The following ERCC6 variants were observed in gnomAD, a reference collection of about 807,000 sequenced individuals.
ERCC6 encodes ERCC excision repair 6, chromatin remodeling factor, also known as DNA excision repair protein ERCC-6.
In ERCC6, 116 loss-of-function variants were observed where a neutral mutation model predicts 158.7. The ratio of observed to expected loss-of-function variants is 0.73; its 90% CI spans 0.63 to 0.85. The LOEUF is 0.85. Among genes scored for constraint, ERCC6 ranks in the 40% least tolerant of loss-of-function variants. ERCC6 has a pLI of 0.00. For synonymous variants in ERCC6, 678 were observed against 659.3 expected, an observed-to-expected ratio of 1.03 and a Z score of -0.43; for missense variants, 1,698 against 1,799.4, an observed-to-expected ratio of 0.94 and a Z score of 1.02.
rs927396283 is a variant in ERCC6 at position 49,532,797 on chromosome 10, G to A, written c.168C>T (p.Thr56=). 2.5e-6 allele frequency: 4 copies of A among 1,614,218 alleles called. No individual in the cohort carries two copies. The Admixed American group carries it at 5.0e-5, about 20-fold the overall frequency. ...SFRSVGDGLS[T]SAVGCASAAP... ...CTGCTGATGCGCACCCCACAGCAGAGGTGGACAGCCCGTCACCCACAGAAC... is the reference window on the plus strand; with the variant it reads ...CTGCTGATGCGCACCCCACAGCAGAAGTGGACAGCCCGTCACCCACAGAAC... Residue 56 remains threonine (T), a synonymous_variant, in exon 2 of 21, where the codon ACC becomes ACT. Transcript: ENST00000355832.
chr10:49,509,088 T>C (rs2132586491), intron 5 of ERCC6, among the ~76,000 whole-genome samples: 1 of 152,252 alleles, frequency 6.6e-6, no homozygotes, highest in East Asian at 1.9e-4. Context: ...CCTGGTGCCA[T>C]TTACTAGCTC....
chr10:49,492,226 G>T (rs1851184561), intron 8 of ERCC6, among the ~76,000 whole-genome samples: 2 of 152,098 alleles, frequency 1.3e-5, no homozygotes, highest in Admixed American at 1.3e-4. Flanking sequence ...TGGTCCCCGT[G>T]CATCTGACTC....
chr10:49,466,834 A>T (rs1215340669), intron 18 of ERCC6, among the ~76,000 whole-genome samples: 1 of 152,194 alleles, frequency 6.6e-6, no homozygotes. Context: ...TCGCACAGGC[A>T]GGAGTACAAT....
chr10:49,493,293 C>G (rs776932449), intron 7 of ERCC6, 41 bp from the exon 8 acceptor site: 1 of 1,612,728 alleles, frequency 6.2e-7, no homozygotes, highest in East Asian at 2.2e-5. Context: ...CATGAAAGAG[C>G]ATATACAGTC....
chr10:49,520,834 T>C (rs930253115), intron 5 of ERCC6, among the ~76,000 whole-genome samples: 1 of 152,158 alleles, frequency 6.6e-6, no homozygotes, highest in African/African-American at 2.4e-5. Flanking sequence ...GCAATCCAAA[T>C]GAGAACCCTG....
Position 49,458,749 on chromosome 10 carries a change from TAA to T in ERCC6, c.*64_*65del. On this transcript the variant is annotated 3_prime_UTR_variant, in exon 21 of 21. Transcript: ENST00000355832. ...TTCCATTGACAAACATGATTATTAA[TAA>T]TAAATTAATAATCAGAAATGCCCGT... 1.0e-5 allele frequency: 15 copies of T among 1,496,692 alleles called. No homozygotes were observed. Among genetic ancestry groups the T allele is most frequent in the Non-Finnish European group, 1.3e-5 (14 of 1,076,562 alleles). The allele number at this position is 1,496,692 out of a possible 1,614,324, so 92.7% of individuals were successfully genotyped here. A position where few individuals can be genotyped will look rare whatever the true frequency, so the allele number is the denominator to read the frequency against.
chr10:49,472,921 G>C lies in ERCC6; in HGVS notation c.2817C>G (p.Ser939Arg). 6.2e-7 allele frequency: 1 copy of C among 1,613,798 alleles called. No individual in the cohort carries two copies. Among genetic ancestry groups the C allele is most frequent in the Non-Finnish European group, 8.5e-7 (1 of 1,179,860 alleles). ...VVIYDPDWNP[S>R]TDTQARERAW... Reference sequence around the variant, plus strand: ...AATAAAAACAAACCTGCGTGTCCGTGCTTGGGTTCCAGTCTGGGTCATAGA... The same window carrying C: ...AATAAAAACAAACCTGCGTGTCCGTCCTTGGGTTCCAGTCTGGGTCATAGA... The change falls in exon 15 of 21, where the codon AGC becomes AGG. Residue 939 changes from serine (S) to arginine (R), a missense_variant. Transcript: ENST00000355832.
intron 8 of ERCC6, among the ~76,000 whole-genome samples, chr10:49,489,042 C>T (rs1851127298): frequency 6.6e-6 from 1 of 152,184 alleles, no homozygotes; most frequent in East Asian, 1.9e-4. Context: ...CTCAGCCTCC[C>T]AAAGTGCTGG....
chr10:49,476,558 C>T (rs1298555254), intron 11 of ERCC6, among the ~76,000 whole-genome samples: 1 of 152,132 alleles, frequency 6.6e-6, no homozygotes, highest in Non-Finnish European at 1.5e-5. Flanking sequence ...TGGCTTCCTG[C>T]TCACGGGCAA....
At chr10:49,491,714 G>A (rs998985008) in intron 8 of ERCC6, among the ~76,000 whole-genome samples, 3 of 152,164 alleles carry the variant, frequency 2.0e-5, no homozygotes, top group African/African-American at 7.2e-5. Flanking sequence ...CCAGGTGAAG[G>A]TGTCCAATAC....
At chr10:49,490,102 T>G (rs1039422891) in intron 8 of ERCC6, among the ~76,000 whole-genome samples, 4 of 152,222 alleles carry the variant, frequency 2.6e-5, no homozygotes, top group African/African-American at 9.6e-5. Context: ...TAAAAGAGAT[T>G]CAGAAGCCTA....
chr10:49,439,957 T>C, the ERCC6 span, among the ~76,000 whole-genome samples: 1 of 152,202 alleles, frequency 6.6e-6, no homozygotes, highest in Non-Finnish European at 1.5e-5. Context: ...TTATTGTCCA[T>C]ATTGCTATCA....
At chr10:49,495,733 C>A (rs1190697232) in intron 7 of ERCC6, among the ~76,000 whole-genome samples, 1 of 152,178 alleles carries the variant, frequency 6.6e-6, no homozygotes, top group Non-Finnish European at 1.5e-5. Context: ...CCTGCTTGCT[C>A]TCCACCACGA....
chr10:49,516,985 C>T (rs1590459130), intron 5 of ERCC6: 2 of 1,614,032 alleles, frequency 1.2e-6, no homozygotes, highest in East Asian at 2.2e-5. Context: ...CCTTCTTCAT[C>T]TCCTGATTCC....
intron 19 of ERCC6, 88 bp from the exon 20 acceptor site, chr10:49,460,539 T>C: frequency 3.3e-6 from 3 of 918,710 alleles, no homozygotes; most frequent in Non-Finnish European, 5.4e-6. Flanking sequence ...AACTTCTTCC[T>C]GGAAACATTT....
chr10:49,534,606 G>A (rs1837555452), intron 1 of ERCC6, among the ~76,000 whole-genome samples: 1 of 152,072 alleles, frequency 6.6e-6, no homozygotes. Flanking sequence ...GAAAGCACAG[G>A]GAAAAATAAG....
the ERCC6 span, among the ~76,000 whole-genome samples, chr10:49,442,536 G>C: frequency 2.0e-5 from 3 of 152,228 alleles, no homozygotes; most frequent in Non-Finnish European, 4.4e-5. Flanking sequence ...ATATGCATTA[G>C]TCAGATTTTT....
chr10:49,459,258 T>C, intron 20 of ERCC6, 24 bp from the exon 21 acceptor site: 1 of 1,611,478 alleles, frequency 6.2e-7, no homozygotes, highest in Non-Finnish European at 8.5e-7. Flanking sequence ...ACCACTATAC[T>C]GATATATTTA....
intron 5 of ERCC6, among the ~76,000 whole-genome samples, chr10:49,512,964 T>G (rs1836848209): frequency 6.6e-6 from 1 of 152,226 alleles, no homozygotes; most frequent in Non-Finnish European, 1.5e-5. Context: ...AAAGGTCACC[T>G]TTTCATACGT....
Sources: allele counts gnomAD v4.1 joint callset (sites outside exome capture counted in the v4.1 genomes callset), GRCh38; gene constraint gnomAD v4.1.1; transcripts MANE v1.5; gene names NCBI Gene and HGNC (gene_info 2026-07-23, HGNC 2026-07-21).